Variants in TFDP2 observed in about 807,000 individuals in gnomAD.
TFDP2 encodes transcription factor Dp-2 (E2F dimerization partner 2).
Under a neutral mutation model 59.3 loss-of-function variants are expected in TFDP2, and 17 were observed. That is an observed-to-expected ratio of 0.29 (90% CI 0.20 to 0.43). The LOEUF is 0.43. TFDP2 is among the 20% of genes least tolerant of loss of function. TFDP2 has a pLI of 1.00. For synonymous variants in TFDP2, 180 were observed against 194.7 expected (o/e 0.92, Z 0.63); for missense variants, 391 against 528.8 (o/e 0.74, Z 2.56).
intron 4 of TFDP2, among the ~76,000 whole-genome samples, chr3:141,996,525 C>G (rs149495693): frequency 6.6e-6 from 1 of 152,176 alleles, no homozygotes; most frequent in Non-Finnish European, 1.5e-5. Context: ...AGACAAAATG[C>G]TAATTAATTT....
At chr3:142,074,174 G>A (rs534095344) in intron 3 of TFDP2, among the ~76,000 whole-genome samples, 76 of 151,030 alleles carry the variant, frequency 5.0e-4, no homozygotes, top group Non-Finnish European at 9.0e-4. Flanking sequence ...TTGGGAGGCC[G>A]AGGGCGGGTG....
chr3:142,124,750 T>A (rs1319204111), intron 1 of TFDP2, among the ~76,000 whole-genome samples: 1 of 152,026 alleles, frequency 6.6e-6, no homozygotes, highest in Non-Finnish European at 1.5e-5. Context: ...AAAGAAAACA[T>A]CACTATGTAA....
chr3:142,010,631 CT>C lies in TFDP2; in HGVS notation c.83-5088del, dbSNP rs1236326274. ...CTCAAAAAAAAAAAAAAAAAAAAAC[CT>C]ACCATCAGAGTGAACAGGCAACCTA... On this transcript the variant is annotated intron_variant, in intron 3 of 12. Transcript: ENST00000489671. Among the ~76,000 whole-genome samples the C allele has an allele frequency of 1.3e-4, 17 of 126,096 alleles. 1 individual carries two copies. The highest frequency in any genetic ancestry group is 2.5e-4 in the Non-Finnish European group (13 of 52,094). 82.7% of individuals were successfully genotyped at this position (126,096 alleles called of 152,430 possible).
intron 3 of TFDP2, among the ~76,000 whole-genome samples, chr3:142,091,678 T>C (rs1029518018): frequency 1.3e-5 from 2 of 152,226 alleles, no homozygotes; most frequent in Non-Finnish European, 2.9e-5. Flanking sequence ...GGGACCAGTT[T>C]CGTGGAAGAC....
At chr3:142,138,320 A>G (rs1257298237) in intron 1 of TFDP2, among the ~76,000 whole-genome samples, 1 of 152,258 alleles carries the variant, frequency 6.6e-6, no homozygotes, top group East Asian at 1.9e-4. Context: ...CAAAAAAACC[A>G]ACTCCTGGAT....
intron 3 of TFDP2, among the ~76,000 whole-genome samples, chr3:142,075,120 A>G (rs1165741107): frequency 1.3e-5 from 2 of 152,214 alleles, no homozygotes; most frequent in African/African-American, 2.4e-5. Flanking sequence ...TCTTAGAAGG[A>G]TCTTCATGAC....
chr3:142,077,710 G>C (rs1020480590), intron 3 of TFDP2, among the ~76,000 whole-genome samples: 5 of 152,142 alleles, frequency 3.3e-5, no homozygotes, highest in African/African-American at 4.8e-5. Context: ...CCTTGGGTGA[G>C]ACTCTGAGAC....
chr3:142,008,845 T>G (rs1412331418), intron 3 of TFDP2, among the ~76,000 whole-genome samples: 1 of 152,208 alleles, frequency 6.6e-6, no homozygotes, highest in East Asian at 1.9e-4. Flanking sequence ...TGTATGTGTG[T>G]ATATTTTTTC....
At chr3:142,128,252 A>G (rs2062347789) in intron 1 of TFDP2, among the ~76,000 whole-genome samples, 1 of 152,210 alleles carries the variant, frequency 6.6e-6, no homozygotes, top group Non-Finnish European at 1.5e-5. Context: ...CAAGAAACAA[A>G]TGGTTTACCT....
chr3:141,988,811 C>G (rs926488740), intron 6 of TFDP2, among the ~76,000 whole-genome samples: 1 of 151,458 alleles, frequency 6.6e-6, no homozygotes, highest in Non-Finnish European at 1.5e-5. Flanking sequence ...TACAGGCACG[C>G]GCCACCATGC....
intron 3 of TFDP2, among the ~76,000 whole-genome samples, chr3:142,016,112 A>G (rs1945113791): frequency 6.6e-6 from 1 of 151,760 alleles, no homozygotes; most frequent in Admixed American, 6.6e-5. Flanking sequence ...CCTGGGTTCG[A>G]GCAATTCTCC....
intron 9 of TFDP2, 78 bp downstream of exon 9, chr3:141,969,994 CA>C: frequency 7.1e-7 from 1 of 1,407,414 alleles, no homozygotes; most frequent in Non-Finnish European, 1.0e-6. Context: ...AGAGGCACCA[CA>C]ATTAGAAAAC....
intron 3 of TFDP2, among the ~76,000 whole-genome samples, chr3:142,012,156 G>T (rs4683658): frequency 0.75 from 114,079 of 151,370 alleles, 42,991 homozygotes; most frequent in South Asian, 0.8. Context: ...GGGACTACAG[G>T]TGCCCACCAC....
At chr3:142,019,585 G>C (rs1165798846) in intron 3 of TFDP2, among the ~76,000 whole-genome samples, 4 of 151,866 alleles carry the variant, frequency 2.6e-5, no homozygotes, top group Non-Finnish European at 4.4e-5. Flanking sequence ...TTTCCAGTTG[G>C]ATATGCTGTT....
chr3:142,127,164 T>C (rs1001791869), intron 1 of TFDP2, among the ~76,000 whole-genome samples: 4 of 148,414 alleles, frequency 2.7e-5, no homozygotes, highest in African/African-American at 9.8e-5. Flanking sequence ...ATAAGATATA[T>C]CTTAATTATA....
intron 1 of TFDP2, among the ~76,000 whole-genome samples, chr3:142,105,888 C>A: frequency 6.6e-6 from 1 of 152,078 alleles, no homozygotes; most frequent in South Asian, 2.1e-4. Context: ...TAAGAGTCAG[C>A]CACTTAATTA....
At chr3:142,102,214 A>C (rs1008326314) in intron 1 of TFDP2, among the ~76,000 whole-genome samples, 3 of 152,232 alleles carry the variant, frequency 2.0e-5, no homozygotes, top group Non-Finnish European at 4.4e-5. Context: ...GGCTCAAAAA[A>C]TGATGGAGAC....
intron 9 of TFDP2, among the ~76,000 whole-genome samples, chr3:141,967,005 C>T (rs1247163386): frequency 3.3e-5 from 5 of 151,982 alleles, no homozygotes; most frequent in East Asian, 1.9e-4. Context: ...CAACCTCCGC[C>T]TCCCGGGTTC....
chr3:142,054,426 T>C (rs2059670032), intron 3 of TFDP2, among the ~76,000 whole-genome samples: 1 of 152,226 alleles, frequency 6.6e-6, no homozygotes, highest in Non-Finnish European at 1.5e-5. Flanking sequence ...TCTATATGGC[T>C]AAAAATAATT....
Sources: gnomAD v4.1 joint callset for allele counts (sites outside exome capture counted in the v4.1 genomes callset) on GRCh38, gnomAD v4.1.1 for gene constraint, MANE v1.5 for transcripts, NCBI Gene and HGNC (gene_info 2026-07-23, HGNC 2026-07-21) for gene names.